The following BNIP2 variants were observed in gnomAD, a reference collection of about 807,000 sequenced individuals.
BNIP2 encodes BCL2/adenovirus E1B 19 kDa protein-interacting protein 2.
A neutral mutation model predicts 43.4 loss-of-function variants in BNIP2; 36 were observed. The observed-to-expected ratio is 0.83, with a 90% CI of 0.64 to 1.10. BNIP2 has a LOEUF of 1.10. Ranked by LOEUF, BNIP2 falls within the 50% of genes least tolerant of loss-of-function variation. BNIP2 has a pLI of 0.00. For synonymous variants in BNIP2, 146 were observed against 121.0 expected (o/e 1.21, Z -1.35); for missense variants, 417 against 374.1 (o/e 1.11, Z -0.95).
rs1892727562 is a variant in BNIP2, at chr15:59,668,878, A to T, written c.893+14T>A. The T allele has an allele frequency of 6.3e-7, 1 of 1,598,726 alleles. No homozygotes were observed. Among genetic ancestry groups the T allele is most frequent in the African/African-American group, 1.3e-5 (1 of 74,668 alleles). ...TAAGATCCAATACAATTAAGGAAAT[A>T]AAACAAAACATACTGTTTTATGCAT... On this transcript the variant is annotated intron_variant, in intron 9 of 9. Coordinates refer to ENST00000607373, the MANE Select transcript of BNIP2 (RefSeq NM_004330.4).
chr15:59,667,847 T>C (rs2141989716), intron 9 of BNIP2, among the ~76,000 whole-genome samples: 1 of 152,346 alleles, frequency 6.6e-6, no homozygotes, highest in East Asian at 1.9e-4. Flanking sequence ...CCATTAGTAC[T>C]TAGACTAAGA....
At position 59,659,784 on chromosome 15, in the gene BNIP2, T is replaced by G. The variant is rs777316368; in HGVS notation, c.*4285A>C. ...TTAATTTGAAAGCACGAAATGATTT[T>G]CATTTGGTGCTTACGTGCTTTATGT... is the stretch of plus-strand genomic sequence containing the variant. On this transcript the variant is annotated 3_prime_UTR_variant, in exon 10 of 10. Coordinates refer to ENST00000607373, the MANE Select transcript of BNIP2 (RefSeq NM_004330.4). 2.0e-5 allele frequency: 3 copies of G among 152,238 alleles called. No homozygotes were observed. The highest frequency in any genetic ancestry group is 1.3e-4 in the Admixed American group (2 of 15,286). 9.4% of individuals were successfully genotyped at this position (152,238 alleles called of 1,614,324 possible). A position where few individuals can be genotyped will look rare whatever the true frequency, so the allele number is the denominator to read the frequency against.
intron 1 of BNIP2, chr15:59,688,809 C>T (rs1192137506): frequency 1.3e-6 from 2 of 1,535,318 alleles, no homozygotes; most frequent in South Asian, 2.4e-5. Context: ...CCAGCCACTT[C>T]ACCCACACCA....
intron 2 of BNIP2, among the ~76,000 whole-genome samples, chr15:59,682,205 T>C (rs1893724334): frequency 6.6e-6 from 1 of 152,020 alleles, no homozygotes; most frequent in African/African-American, 2.4e-5. Flanking sequence ...CGCACACCTA[T>C]AGTCCCAGCT....
chr15:59,671,784 T>G (rs944766451), intron 6 of BNIP2, among the ~76,000 whole-genome samples: 17 of 152,208 alleles, frequency 1.1e-4, no homozygotes, highest in African/African-American at 3.9e-4. Context: ...GAGACAAAAA[T>G]CACTTCTTTA....
At chr15:59,675,424 C>T (rs1893216071) in intron 5 of BNIP2, among the ~76,000 whole-genome samples, 1 of 151,294 alleles carries the variant, frequency 6.6e-6, no homozygotes, top group African/African-American at 2.4e-5. Flanking sequence ...TCCTGGCTAA[C>T]ATGGTGAAAC....
chr15:59,688,511 C>T, intron 1 of BNIP2: 1 of 507,442 alleles, frequency 2.0e-6, no homozygotes. Flanking sequence ...AAAGAGCTCA[C>T]AAGACACAGA....
Position 59,661,301 on chromosome 15 carries a change from G to A in BNIP2, c.*2768C>T, listed in dbSNP as rs1377633371. ...GCCAGGATTGCGCCACTGCACTCCA[G>A]AATGGGTGACAGAGTGAGTCTCTGT... On this transcript the variant is annotated 3_prime_UTR_variant, in exon 10 of 10. Transcript: ENST00000607373. The A allele has an allele frequency of 4.2e-5, 5 of 118,032 alleles. No individual in the cohort carries two copies. The highest frequency in any genetic ancestry group is 1.0e-4 in the African/African-American group (3 of 30,086). 7.3% of individuals were successfully genotyped at this position (118,032 alleles called of 1,614,324 possible).
chr15:59,668,864 A>C (rs1374557175), intron 9 of BNIP2, 28 bp downstream of exon 9: 1 of 1,550,960 alleles, frequency 6.4e-7, no homozygotes, highest in Non-Finnish European at 8.9e-7. Context: ...AAGATCCAAT[A>C]CAATTAAGGA....
chr15:59,669,035 T>C, intron 8 of BNIP2, 45 bp from the exon 9 acceptor site: 1 of 1,438,790 alleles, frequency 7.0e-7, no homozygotes, highest in South Asian at 1.2e-5. Context: ...TTCTGACAAA[T>C]ACAATGGATA....
At chr15:59,664,718 A>G (rs1892466331) in intron 9 of BNIP2, among the ~76,000 whole-genome samples, 1 of 152,158 alleles carries the variant, frequency 6.6e-6, no homozygotes, top group Non-Finnish European at 1.5e-5. Flanking sequence ...ATGGCATATT[A>G]AAATCTTGAC....
chr15:59,678,422 T>C (rs1239084535), intron 4 of BNIP2: 38 of 1,075,232 alleles, frequency 3.5e-5, no homozygotes, highest in Non-Finnish European at 4.3e-5. Flanking sequence ...ATTCAACTTG[T>C]GACAATATTC....
intron 1 of BNIP2, among the ~76,000 whole-genome samples, chr15:59,685,362 G>A (rs918313179): frequency 1.3e-5 from 2 of 152,134 alleles, no homozygotes; most frequent in Non-Finnish European, 2.9e-5. Context: ...TCAGCCAGGC[G>A]TGGTGGCGCC....
intron 4 of BNIP2, 160 bp from the exon 5 acceptor site, chr15:59,678,247 A>C (rs62012468): frequency 2.4e-5 from 33 of 1,366,922 alleles, no homozygotes; most frequent in Non-Finnish European, 2.8e-5. Flanking sequence ...CTTATTCTTA[A>C]CATGAGGCTG....
chr15:59,673,177 G>A (rs190999739), intron 5 of BNIP2, among the ~76,000 whole-genome samples: 201 of 151,378 alleles, frequency 1.3e-3, no homozygotes, highest in Non-Finnish European at 2.8e-4. Flanking sequence ...GGAGGGCAGT[G>A]GCACAATCTC....
chr15:59,672,656 G>C lies in BNIP2; in HGVS notation c.556C>G (p.Leu186Val). 1 of 1,612,838 alleles carries C rather than the reference G, an allele frequency of 6.2e-7. No individual in the cohort carries two copies. Among genetic ancestry groups the C allele is most frequent in the Non-Finnish European group, 8.5e-7 (1 of 1,179,112 alleles). ...ACTTACTTAAAAAGATTGTCCATCAGGTATCTATAGTTAGGCTGACTACTT... is the reference window on the plus strand; with the variant it reads ...ACTTACTTAAAAAGATTGTCCATCACGTATCTATAGTTAGGCTGACTACTT... ...PESSQPNYRY[L>V]MDNLFKYVIG... The change falls in exon 6 of 10, where the codon CTG becomes GTG. Residue 186 changes from leucine to valine, a missense_variant. Coordinates refer to ENST00000607373, the MANE Select transcript of BNIP2 (RefSeq NM_004330.4).
At chr15:59,668,048 G>C in intron 9 of BNIP2, 1 of 1,151,414 alleles carries the variant, frequency 8.7e-7, no homozygotes. Context: ...GGAAGAGTTA[G>C]TCTGCAATGC....
At chr15:59,685,445 G>A (rs904553512) in intron 1 of BNIP2, among the ~76,000 whole-genome samples, 1 of 152,176 alleles carries the variant, frequency 6.6e-6, no homozygotes, top group African/African-American at 2.4e-5. Context: ...AGGTTGCAGT[G>A]AGCTGAGATT....
intron 5 of BNIP2, among the ~76,000 whole-genome samples, chr15:59,673,896 CT>C (rs1893093313): frequency 6.6e-6 from 1 of 152,010 alleles, no homozygotes; most frequent in Non-Finnish European, 1.5e-5. Flanking sequence ...TGAGACCAGC[CT>C]GGCCAACATG....
Sources: gnomAD v4.1 joint callset for allele counts (sites outside exome capture counted in the v4.1 genomes callset) on GRCh38, gnomAD v4.1.1 for gene constraint, MANE v1.5 for transcripts, NCBI Gene and HGNC (gene_info 2026-07-23, HGNC 2026-07-21) for gene names.